GOLM2: variants seen among roughly 807,000 people sequenced by gnomAD.
The protein encoded by GOLM2 is protein GOLM2.
A neutral mutation model predicts 55.9 loss-of-function variants in GOLM2; 26 were observed. That is an observed-to-expected ratio of 0.47 (90% CI 0.34 to 0.65). The LOEUF (loss-of-function observed/expected upper bound fraction) is 0.65, where lower values mean the gene tolerates loss of function less well. GOLM2 is among the 30% of genes least tolerant of loss of function. The pLI is 0.01. For synonymous variants in GOLM2, 165 were observed against 194.6 expected, an observed-to-expected ratio of 0.85 and a Z score of 1.27; for missense variants, 486 against 531.8, an observed-to-expected ratio of 0.91 and a Z score of 0.85.
At chr15:44,392,523 T>C (rs896353051) in intron 8 of GOLM2, among the ~76,000 whole-genome samples, 10 of 151,444 alleles carry the variant, frequency 6.6e-5, no homozygotes, top group African/African-American at 2.4e-4. Flanking sequence ...CTTAGGAGGC[T>C]GAGGCTGGAG....
intron 1 of GOLM2, among the ~76,000 whole-genome samples, chr15:44,310,970 T>C (rs1200394530): frequency 6.6e-6 from 1 of 152,062 alleles, no homozygotes; most frequent in Non-Finnish European, 1.5e-5. Flanking sequence ...TGAGCCGAGA[T>C]TGTGCCACTT....
intron 6 of GOLM2, 55 bp downstream of exon 6, chr15:44,338,372 G>A: frequency 1.5e-6 from 2 of 1,313,098 alleles, no homozygotes; most frequent in Non-Finnish European, 2.2e-6. Flanking sequence ...CATTTCATGT[G>A]ACCCCATTCT....
At chr15:44,403,077 T>A (rs1488628344) in intron 9 of GOLM2, 23 bp downstream of exon 9, 2 of 1,613,402 alleles carry the variant, frequency 1.2e-6, no homozygotes, top group Admixed American at 1.7e-5. Context: ...CTGGCCTCCA[T>A]GCTATAACCA....
At chr15:44,299,864 GGGT>G (rs1204065577) in intron 1 of GOLM2, among the ~76,000 whole-genome samples, 1 of 147,996 alleles carries the variant, frequency 6.8e-6, no homozygotes, top group Non-Finnish European at 1.5e-5. Context: ...CCAGCACTTT[GGGT>G]GGCTGAGGCA....
chr15:44,288,966 G>T lies in GOLM2; in HGVS notation c.-64G>T. 1.4e-6 allele frequency: 2 copies of T among 1,464,980 alleles called. No homozygotes were observed. The highest frequency in any genetic ancestry group is 1.9e-6 in the Non-Finnish European group (2 of 1,076,936). The allele number at this position is 1,464,980 out of a possible 1,614,324, so 90.7% of individuals were successfully genotyped here. On this transcript the variant is annotated 5_prime_UTR_variant, in exon 1 of 10. The change creates a new upstream start codon in the 5' untranslated region. Coordinates refer to ENST00000299957, the MANE Select transcript of GOLM2 (RefSeq NM_138423.4). Reference sequence around the variant, plus strand: ...GTGTCCGCCGGGCAACTCCAGCCGAGGCCTGGGCTTCTGCCTGCAGGTGTC... The same window carrying T: ...GTGTCCGCCGGGCAACTCCAGCCGATGCCTGGGCTTCTGCCTGCAGGTGTC...
intron 8 of GOLM2, chr15:44,390,244 A>T (rs1703353248): frequency 1.3e-5 from 2 of 152,214 alleles, no homozygotes; most frequent in African/African-American, 4.8e-5. Flanking sequence ...AAAGAAACAG[A>T]CATCTTCCAA....
At chr15:44,336,792 T>C (rs1158761751) in intron 4 of GOLM2, among the ~76,000 whole-genome samples, 1 of 151,968 alleles carries the variant, frequency 6.6e-6, no homozygotes, top group Admixed American at 6.6e-5. Flanking sequence ...GGTGGGCACC[T>C]GTAGTCCCAG....
Position 44,311,360 on chromosome 15 carries a change from C to T in GOLM2, c.328-11605C>T, listed in dbSNP as rs147809101. The stretch of plus-strand genomic sequence containing the variant: ...CCCAAAAATGTTGGGGAAATGCCTC[C>T]AATTAAAGAGGCATTCCAGGCACCA... On this transcript the variant is annotated intron_variant, in intron 1 of 9. Coordinates refer to ENST00000299957, the MANE Select transcript of GOLM2 (RefSeq NM_138423.4). Among the ~76,000 whole-genome samples the T allele has an allele frequency of 5.5e-3, 839 of 152,088 alleles. 2 individuals are homozygous for T. Among genetic ancestry groups the T allele is most frequent in the Non-Finnish European group, 8.2e-3 (556 of 68,006 alleles).
In GOLM2 at chr15:44,340,256, G is replaced by T. The variant is rs77102764; in HGVS notation, c.802+1939G>T. ...TCACTGCACCCAGCCAAAAAATATA[G>T]AGAGAGAGAGCCAAAAATTACATAT... On this transcript the variant is annotated intron_variant, in intron 6 of 9. Transcript: ENST00000299957. 6.8e-3 allele frequency among the ~76,000 whole-genome samples: 1,027 copies of T among 151,968 alleles called. 12 individuals are homozygous for T. Among genetic ancestry groups the T allele is most frequent in the African/African-American group, 0.022 (913 of 41,438 alleles).
At chr15:44,399,232 G>A (rs1010139920) in intron 8 of GOLM2, among the ~76,000 whole-genome samples, 2 of 151,984 alleles carry the variant, frequency 1.3e-5, no homozygotes, top group Non-Finnish European at 2.9e-5. Flanking sequence ...TGTCTGTACC[G>A]TTATATTCAT....
In GOLM2 at chr15:44,413,587, G is replaced by A. The variant is rs959038476; in HGVS notation, c.*181G>A. The A allele has an allele frequency of 4.1e-6, 2 of 489,070 alleles. No homozygotes were observed. The highest frequency in any genetic ancestry group is 4.0e-5 in the African/African-American group (2 of 50,050). The allele number at this position is 489,070 out of a possible 1,614,324, so 30.3% of individuals were successfully genotyped here. Reference sequence around the variant, plus strand: ...GTACATATGTGAACTTTTTCATATTGTATTATCAAGGTATAGACTTTTTTG... The same window carrying A: ...GTACATATGTGAACTTTTTCATATTATATTATCAAGGTATAGACTTTTTTG... On this transcript the variant is annotated 3_prime_UTR_variant, in exon 10 of 10. Coordinates refer to ENST00000299957, the MANE Select transcript of GOLM2 (RefSeq NM_138423.4).
At chr15:44,382,938 A>T (rs1243315760) in intron 8 of GOLM2, among the ~76,000 whole-genome samples, 1 of 150,406 alleles carries the variant, frequency 6.6e-6, no homozygotes, top group African/African-American at 2.4e-5. Context: ...AAAAAAAAAA[A>T]GAAAAGAGCC....
chr15:44,299,747 A>G (rs1320460966), intron 1 of GOLM2, among the ~76,000 whole-genome samples: 2 of 152,066 alleles, frequency 1.3e-5, no homozygotes, highest in East Asian at 1.9e-4. Flanking sequence ...CCTGTCCCAT[A>G]CAAAGCTTGA....
chr15:44,414,284 C>T lies in GOLM2; in HGVS notation c.*878C>T, dbSNP rs1468331216. On this transcript the variant is annotated 3_prime_UTR_variant, in exon 10 of 10. Coordinates refer to ENST00000299957, the MANE Select transcript of GOLM2 (RefSeq NM_138423.4). Reference sequence around the variant, plus strand: ...TATTGTGTAGAAAGTCACCTCCCTACTCCTTTTATTTTACATGAGTGCTGA... The same window carrying T: ...TATTGTGTAGAAAGTCACCTCCCTATTCCTTTTATTTTACATGAGTGCTGA... The T allele has an allele frequency of 6.6e-6, 1 of 152,192 alleles. No homozygotes were observed. The highest frequency in any genetic ancestry group is 1.5e-5 in the Non-Finnish European group (1 of 68,040). The allele number at this position is 152,192 out of a possible 1,614,324, so 9.4% of individuals were successfully genotyped here. A position where few individuals can be genotyped will look rare whatever the true frequency, so the allele number is the denominator to read the frequency against.
chr15:44,329,227 A>G (rs901243673), intron 3 of GOLM2, among the ~76,000 whole-genome samples: 1 of 152,150 alleles, frequency 6.6e-6, no homozygotes, highest in Non-Finnish European at 1.5e-5. Flanking sequence ...TGATACCTCT[A>G]CACTTGGTGA....
rs779769490 is a variant in GOLM2, at chr15:44,289,063, C to T, written c.34C>T (p.Arg12Cys). 6.2e-7 allele frequency: 1 copy of T among 1,613,862 alleles called. No homozygotes were observed. The highest frequency in any genetic ancestry group is 1.1e-5 in the South Asian group (1 of 91,060). ...TTTCGGGGCCAACCGGCGGGCTGGC[C>T]GCCTGCCCTCTCTCGTGCTGGTGGT... ...VGFGANRRAG[R>C]LPSLVLVVLL... The change falls in exon 1 of 10, where the codon CGC becomes TGC. Residue 12 changes from arginine to cysteine, a missense_variant. By Grantham distance (180) the Arg-to-Cys change is radical (BLOSUM62 -3). Transcript: ENST00000299957. The surrounding 1 kb of genome is among the most constrained non-coding windows in gnomAD (Gnocchi z 4.8).
chr15:44,352,617 A>G (rs1293293188), intron 6 of GOLM2, among the ~76,000 whole-genome samples: 3 of 152,134 alleles, frequency 2.0e-5, no homozygotes, highest in African/African-American at 4.8e-5. Context: ...AAACAATCAG[A>G]AAAGTGAAGA....
chr15:44,374,210 A>G (rs913716275), intron 6 of GOLM2, among the ~76,000 whole-genome samples: 1 of 152,186 alleles, frequency 6.6e-6, no homozygotes, highest in African/African-American at 2.4e-5. Context: ...TAAAAACTAT[A>G]TGCTCTAATG....
At chr15:44,351,551 T>G (rs1363718259) in intron 6 of GOLM2, among the ~76,000 whole-genome samples, 2 of 119,660 alleles carry the variant, frequency 1.7e-5, no homozygotes, top group African/African-American at 6.6e-5. Flanking sequence ...CACTCCAGCC[T>G]GGGCAACAAA....
Sources: gnomAD v4.1 joint callset for allele counts (sites outside exome capture counted in the v4.1 genomes callset) on GRCh38, gnomAD v4.1.1 for gene constraint, Gnocchi (gnomAD v3.1) non-coding constraint, MANE v1.5 for transcripts, NCBI Gene and HGNC (gene_info 2026-07-23, HGNC 2026-07-21) for gene names.